GARNL3: variants seen among roughly 807,000 people sequenced by gnomAD.
GARNL3 encodes the protein GTPase-activating Rap/Ran-GAP domain-like protein 3.
GARNL3 carries 63 observed loss-of-function variants against 125.0 expected under a neutral mutation model. The observed-to-expected ratio is 0.50, with a 90% CI of 0.41 to 0.62. The LOEUF (loss-of-function observed/expected upper bound fraction) is 0.62, where lower values mean the gene tolerates loss of function less well. Among genes scored for constraint, GARNL3 ranks in the 20% least tolerant of loss-of-function variants. The pLI is 0.00. For synonymous variants in GARNL3, 439 were observed against 457.5 expected (o/e 0.96, Z 0.52); for missense variants, 994 against 1,244.0 (o/e 0.80, Z 3.02).
intron 2 of GARNL3, among the ~76,000 whole-genome samples, chr9:127,253,707 G>A (rs966084030): frequency 1.3e-5 from 2 of 152,160 alleles, no homozygotes; most frequent in Non-Finnish European, 2.9e-5. Context: ...AGGTGGTTGG[G>A]GGTGTGGGAG....
At chr9:127,365,078 A>G (rs1588941586) in intron 21 of GARNL3, 4 of 492,288 alleles carry the variant, frequency 8.1e-6, no homozygotes, top group African/African-American at 5.9e-5. Flanking sequence ...GAAAGAATGG[A>G]GAGACTTTTC....
At chr9:127,264,607 C>T, upstream of GARNL3, 1 of 1,093,688 alleles carries the variant, frequency 9.1e-7, no homozygotes, top group Non-Finnish European at 1.1e-6. Context: ...CTCAAGTTTA[C>T]TGCAGGGCTT....
intron 1 of GARNL3, among the ~76,000 whole-genome samples, chr9:127,274,610 C>A (rs1001958427): frequency 6.6e-6 from 1 of 152,176 alleles, no homozygotes; most frequent in African/African-American, 2.4e-5. Flanking sequence ...TTGCAGCCAC[C>A]TTGGCTTGGC....
At chr9:127,328,902 G>A (rs1829047941) in intron 7 of GARNL3, among the ~76,000 whole-genome samples, 1 of 152,170 alleles carries the variant, frequency 6.6e-6, no homozygotes, top group South Asian at 2.1e-4. Flanking sequence ...GACCTTATCT[G>A]TATGTTGAAT....
At chr9:127,390,214 G>A (rs570583523) in intron 26 of GARNL3, among the ~76,000 whole-genome samples, 1 of 152,202 alleles carries the variant, frequency 6.6e-6, no homozygotes, top group Non-Finnish European at 1.5e-5. Flanking sequence ...CACTAACAAA[G>A]TCCATTGGTT....
At chr9:127,311,856 C>A in intron 3 of GARNL3, 121 bp downstream of exon 3, 1 of 640,774 alleles carries the variant, frequency 1.6e-6, no homozygotes, top group Non-Finnish European at 2.8e-6. Context: ...AACATCAGGG[C>A]ATTTCACTTC....
intron 1 of GARNL3, among the ~76,000 whole-genome samples, chr9:127,231,806 A>T (rs1340927238): frequency 6.6e-6 from 1 of 152,218 alleles, no homozygotes; most frequent in Non-Finnish European, 1.5e-5. Flanking sequence ...CAAACAGAGC[A>T]TAGATAGGAG....
At chr9:127,346,171 A>T (rs1422293706) in intron 16 of GARNL3, among the ~76,000 whole-genome samples, 1 of 152,220 alleles carries the variant, frequency 6.6e-6, no homozygotes, top group East Asian at 1.9e-4. Context: ...ACAGACAAAA[A>T]TACACAAATT....
At chr9:127,296,703 T>A (rs1209042132) in intron 2 of GARNL3, among the ~76,000 whole-genome samples, 1 of 151,938 alleles carries the variant, frequency 6.6e-6, no homozygotes, top group Non-Finnish European at 1.5e-5. Flanking sequence ...ACTCCTGACC[T>A]CAGGTGATCT....
rs559941504 is a variant in GARNL3, at chr9:127,382,231, C to T, written c.2162-1207C>T. ...AGGAGAATCGCTTGAACCTGGGAGG[C>T]AGAGGTTGCAATGAGCTGAGATCTC... is the stretch of plus-strand genomic sequence containing the variant. On this transcript the variant is annotated intron_variant, in intron 22 of 27. Transcript: ENST00000373387. Among the ~76,000 whole-genome samples the T allele has an allele frequency of 4.6e-5, 7 of 152,072 alleles. No homozygotes were observed. The East Asian group carries it at 1.2e-3, about 25-fold the overall frequency.
At position 127,311,628 on chromosome 9, in the gene GARNL3, C is replaced by T; in HGVS notation, c.220-8C>T. The T allele has an allele frequency of 1.2e-6, 2 of 1,604,354 alleles. No individual in the cohort carries two copies. The highest frequency in any genetic ancestry group is 2.2e-5 in the South Asian group (2 of 90,824). ...GCCTCTTAATGTCACAACTTTGTTC[C>T]ATTACAGAATGCAACTGCCCTGCCT... On this transcript the variant is annotated splice_region_variant and splice_polypyrimidine_tract_variant and intron_variant, in intron 2 of 27. Transcript: ENST00000373387.
chr9:127,342,429 G>T, intron 14 of GARNL3, 95 bp downstream of exon 14: 1 of 813,208 alleles, frequency 1.2e-6, no homozygotes, highest in South Asian at 1.5e-5. Context: ...TGAGAAAAGC[G>T]TAGGAGGCGC....
chr9:127,236,958 A>G (rs987880459), intron 1 of GARNL3, among the ~76,000 whole-genome samples: 1 of 152,154 alleles, frequency 6.6e-6, no homozygotes, highest in African/African-American at 2.4e-5. Context: ...TAAGCTCACA[A>G]TCCAATCTGA....
In GARNL3 at chr9:127,342,270, G is replaced by A. The variant is rs1274737717; in HGVS notation, c.1187G>A (p.Arg396His). ...TLETPTFAQK[R>H]RRTLDMLIRS... ...GAAACCCCAACATTTGCCCAGAAAC[G>A]TCGGCGTACCCTGGATATGTTGATT... The change falls in exon 14 of 28, where the codon CGT becomes CAT. Residue 396 changes from arginine (R) to histidine (H), a missense_variant. By Grantham distance (29) the Arg-to-His change is conservative. Transcript: ENST00000373387. The A allele has an allele frequency of 6.2e-6, 10 of 1,613,904 alleles. No homozygotes were observed. The highest frequency in any genetic ancestry group is 1.7e-5 in the Admixed American group (1 of 60,004).
At position 127,385,038 on chromosome 9, in the gene GARNL3, C is replaced by G; in HGVS notation, c.2281C>G (p.Pro761Ala). The G allele has an allele frequency of 1.9e-6, 3 of 1,608,248 alleles. No individual in the cohort carries two copies. The highest frequency in any genetic ancestry group is 2.6e-6 in the Non-Finnish European group (3 of 1,176,408). The change falls in exon 24 of 28, where the codon CCG becomes GCG. Residue 761 changes from proline (P) to alanine (A), a missense_variant. Physicochemically the swap from Pro to Ala is conservative, Grantham distance 27. Around this residue, in one of 5 missense-constraint regions of GARNL3, gnomAD observed 728 missense variants for 865.7 expected, o/e 0.84. Transcript: ENST00000373387. This position sits in a 1 kb window ranked among gnomAD's most constrained non-coding sequence, Gnocchi z 4.1. Reference sequence around the variant, plus strand: ...CCGTTCCCTTGCAGTCTGTGCTTTCCCGTATCTCCTGGCCTTCACCACCGA... The same window carrying G: ...CCGTTCCCTTGCAGTCTGTGCTTTCGCGTATCTCCTGGCCTTCACCACCGA... ...QAPYAIVCAF[P>A]YLLAFTTDSM... is the part of the protein sequence containing the mutation.
At chr9:127,301,939 T>G (rs2064804454) in intron 2 of GARNL3, among the ~76,000 whole-genome samples, 1 of 124,872 alleles carries the variant, frequency 8.0e-6, no homozygotes, top group Non-Finnish European at 1.7e-5. Context: ...TTTTTTTTTT[T>G]TTTTTTTTTT....
At chr9:127,264,753 A>G (rs777197564), upstream of GARNL3, 358 of 1,273,172 alleles carry the variant, frequency 2.8e-4, no homozygotes, top group Non-Finnish European at 3.5e-4. Context: ...TTTGCTTTTT[A>G]TTGAGGGCTC....
chr9:127,273,604 G>C (rs978328021), intron 1 of GARNL3, among the ~76,000 whole-genome samples: 2 of 152,110 alleles, frequency 1.3e-5, no homozygotes, highest in Admixed American at 1.3e-4. Context: ...TGCTTTTCTT[G>C]ACTTGTACCA....
intron 4 of GARNL3, among the ~76,000 whole-genome samples, chr9:127,314,839 A>C (rs556762602): frequency 1.3e-5 from 2 of 152,336 alleles, no homozygotes; most frequent in South Asian, 2.1e-4. Context: ...AGCCCCACTT[A>C]GATGAGACAG....
Sources: gnomAD v4.1 joint callset for allele counts (sites outside exome capture counted in the v4.1 genomes callset) on GRCh38, gnomAD v4.1.1 for gene constraint, gnomAD v4.1.1 regional missense constraint, Gnocchi (gnomAD v3.1) non-coding constraint, MANE v1.5 for transcripts, NCBI Gene and HGNC (gene_info 2026-07-23, HGNC 2026-07-21) for gene names.